Variants in CSMD1 observed in about 807,000 individuals in gnomAD.
The protein encoded by CSMD1 is CUB and Sushi multiple domains 1.
Under a neutral mutation model 417.5 loss-of-function variants are expected in CSMD1, and 213 were observed. The observed-to-expected ratio is 0.51, with a 90% CI of 0.46 to 0.57. The LOEUF (loss-of-function observed/expected upper bound fraction) is 0.57, where lower values mean the gene tolerates loss of function less well. CSMD1 is among the 20% of genes least tolerant of loss of function. The pLI, the probability that CSMD1 is intolerant of heterozygous loss-of-function variation, is 0.00. For missense variants in CSMD1, 6,923 were observed against 4,529.7 expected (o/e 1.53, Z -15.17); for synonymous variants, 2,862 against 1,736.8 (o/e 1.65, Z -16.11).
intron 3 of CSMD1, among the ~76,000 whole-genome samples, chr8:4,368,387 G>T (rs1233316137): frequency 6.6e-6 from 1 of 152,062 alleles, no homozygotes; most frequent in Non-Finnish European, 1.5e-5. Context: ...GATTCAGTTT[G>T]CTGGTATTTT....
chr8:4,425,398 T>G (rs74659522), intron 2 of CSMD1, among the ~76,000 whole-genome samples: 8 of 119,332 alleles, frequency 6.7e-5, no homozygotes, highest in Non-Finnish European at 1.0e-4. Flanking sequence ...AAAAAAAAAA[T>G]AGAGTCCAAC....
chr8:4,751,752 G>C (rs186078638), intron 1 of CSMD1, among the ~76,000 whole-genome samples: 1 of 152,238 alleles, frequency 6.6e-6, no homozygotes, highest in Admixed American at 6.5e-5. Flanking sequence ...TAGGAGCTTG[G>C]TGTCTGACAT....
At chr8:3,012,522 T>C (rs752965263) in intron 52 of CSMD1, among the ~76,000 whole-genome samples, 8 of 152,198 alleles carry the variant, frequency 5.3e-5, no homozygotes, top group Non-Finnish European at 1.2e-4. Context: ...GTATTCTTTC[T>C]AGTAGCCCCA....
intron 65 of CSMD1, among the ~76,000 whole-genome samples, chr8:2,952,842 G>A (rs1422447111): frequency 6.6e-6 from 1 of 152,144 alleles, no homozygotes; most frequent in Non-Finnish European, 1.5e-5. Flanking sequence ...AGTGGCTTCT[G>A]TGTATTAAAA....
intron 3 of CSMD1, among the ~76,000 whole-genome samples, chr8:4,311,240 G>C (rs555047742): frequency 5.3e-5 from 8 of 152,126 alleles, no homozygotes; most frequent in African/African-American, 1.9e-4. Context: ...CAAAGGCACG[G>C]AATCAACCTA....
chr8:4,034,963 T>G (rs1292248992), intron 3 of CSMD1, among the ~76,000 whole-genome samples: 1 of 152,200 alleles, frequency 6.6e-6, no homozygotes, highest in Non-Finnish European at 1.5e-5. Context: ...GAAATGGAAC[T>G]TAGTCTGCGC....
At chr8:4,314,581 T>C (rs1431964103) in intron 3 of CSMD1, among the ~76,000 whole-genome samples, 1 of 144,966 alleles carries the variant, frequency 6.9e-6, no homozygotes, top group South Asian at 2.3e-4. Context: ...CTTTTACTTA[T>C]GCTACTGGTT....
chr8:4,239,220 C>T (rs1747042862), intron 3 of CSMD1, among the ~76,000 whole-genome samples: 2 of 152,206 alleles, frequency 1.3e-5, no homozygotes, highest in South Asian at 4.1e-4. Flanking sequence ...TCACGTTTCA[C>T]ATCCTGCCAA....
chr8:3,584,402 G>C (rs73660314), intron 9 of CSMD1, among the ~76,000 whole-genome samples: 5 of 152,184 alleles, frequency 3.3e-5, no homozygotes, highest in South Asian at 2.1e-4. Flanking sequence ...TTGAATTGAC[G>C]AGAACAGGAA....
chr8:3,375,879 A>C (rs1810274155), intron 18 of CSMD1, among the ~76,000 whole-genome samples: 1 of 151,960 alleles, frequency 6.6e-6, no homozygotes, highest in African/African-American at 2.4e-5. Flanking sequence ...TTCTCTTTGC[A>C]CCTCAGTTTA....
At chr8:3,676,270 G>T (rs955130949) in intron 7 of CSMD1, among the ~76,000 whole-genome samples, 7 of 152,082 alleles carry the variant, frequency 4.6e-5, no homozygotes, top group African/African-American at 1.7e-4. Flanking sequence ...CTGGCCCTAA[G>T]TATTTACCAA....
intron 5 of CSMD1, among the ~76,000 whole-genome samples, chr8:3,979,562 A>G (rs561186912): frequency 6.6e-6 from 1 of 152,270 alleles, no homozygotes; most frequent in South Asian, 2.1e-4. Flanking sequence ...CCTTTGGAAA[A>G]CACCTACAGG....
intron 41 of CSMD1, among the ~76,000 whole-genome samples, chr8:3,135,766 C>T (rs1462477937): frequency 2.6e-5 from 4 of 152,194 alleles, no homozygotes; most frequent in Admixed American, 6.5e-5. Flanking sequence ...TCCACCTGGC[C>T]TCAGTGGCTG....
At chr8:3,471,509 ATTCCTTCCTTCCTTCG>A (rs1324658220) in intron 11 of CSMD1, among the ~76,000 whole-genome samples, 12 of 106,582 alleles carry the variant, frequency 1.1e-4, no homozygotes, top group Non-Finnish European at 2.4e-4. Context: ...TCCTTCCTTC[ATTCCTTCCTTCCTTCG>A]TTCCTTCCTT....
intron 1 of CSMD1, among the ~76,000 whole-genome samples, chr8:4,837,462 T>C (rs889741004): frequency 6.6e-6 from 1 of 152,122 alleles, no homozygotes; most frequent in African/African-American, 2.4e-5. Context: ...CAACTGGAGA[T>C]CATTGTGTTA....
At chr8:4,379,066 G>A (rs1802932278) in intron 3 of CSMD1, among the ~76,000 whole-genome samples, 1 of 152,182 alleles carries the variant, frequency 6.6e-6, no homozygotes, top group Non-Finnish European at 1.5e-5. Context: ...GAATTTTATA[G>A]TGGAGATATT....
rs1195671805 is a variant in CSMD1 at position 4,536,235 on chromosome 8, TATGTGAAACCATATACAC to T, written c.302+101089_302+101106del. 9.5e-4 allele frequency among the ~76,000 whole-genome samples: 144 copies of T among 152,318 alleles called. 1 individual carries two copies. The highest frequency in any genetic ancestry group is 1.2e-4 in the Non-Finnish European group (8 of 68,030). The stretch of plus-strand genomic sequence containing the variant: ...CATTTCATTTTAACCTATTCATAAT[TATGTGAAACCATATACAC>T]ATATTTTAAATAAAATCTACAAACA... On this transcript the variant is annotated intron_variant, in intron 2 of 69. Coordinates refer to ENST00000635120, the MANE Select transcript of CSMD1 (RefSeq NM_033225.6).
At chr8:4,046,457 G>C (rs891427292) in intron 3 of CSMD1, among the ~76,000 whole-genome samples, 1 of 152,138 alleles carries the variant, frequency 6.6e-6, no homozygotes, top group Non-Finnish European at 1.5e-5. Flanking sequence ...CACATAAACA[G>C]CTCAAGCTTC....
intron 3 of CSMD1, among the ~76,000 whole-genome samples, chr8:4,299,298 C>G (rs1309643652): frequency 6.6e-6 from 1 of 152,188 alleles, no homozygotes; most frequent in Admixed American, 6.5e-5. Context: ...TCACCCCCAT[C>G]ACCCCCAGAG....
Sources: gnomAD v4.1 joint callset for allele counts (sites outside exome capture counted in the v4.1 genomes callset) on GRCh38, gnomAD v4.1.1 for gene constraint, MANE v1.5 for transcripts, NCBI Gene and HGNC (gene_info 2026-07-23, HGNC 2026-07-21) for gene names.